The following SLC9A3 variants were observed in gnomAD, a reference collection of about 807,000 sequenced individuals.
SLC9A3 encodes sodium/hydrogen exchanger 3.
A neutral mutation model predicts 86.8 loss-of-function variants in SLC9A3; 37 were observed. The observed-to-expected ratio is 0.43, with a 90% confidence interval of 0.33 to 0.56. SLC9A3 has a LOEUF of 0.56. Ranked by LOEUF, SLC9A3 falls within the 20% of genes least tolerant of loss-of-function variation. The pLI, the probability that SLC9A3 is intolerant of heterozygous loss-of-function variation, is 0.06. For missense variants in SLC9A3, 1,011 were observed against 1,171.9 expected, an observed-to-expected ratio of 0.86 and a Z score of 2.00; for synonymous variants, 581 against 528.3, an observed-to-expected ratio of 1.10 and a Z score of -1.37.
intron 2 of SLC9A3, among the ~76,000 whole-genome samples, chr5:490,650 G>A (rs1399148525): frequency 6.6e-6 from 1 of 152,226 alleles, no homozygotes; most frequent in East Asian, 1.9e-4. Flanking sequence ...GGGGCCATCT[G>A]GCAAGGTAGG....
chr5:483,181 G>T, intron 6 of SLC9A3, 81 bp downstream of exon 6: 1 of 1,095,692 alleles, frequency 9.1e-7, no homozygotes. Context: ...ATCTCCCTGG[G>T]CCCAGTAGAA....
intron 3 of SLC9A3, among the ~76,000 whole-genome samples, chr5:487,683 T>C (rs1739534425): frequency 6.6e-6 from 1 of 152,242 alleles, no homozygotes; most frequent in Admixed American, 6.5e-5. Context: ...ATTTATTTTA[T>C]TTGAGATGGA....
At chr5:519,909 G>A (rs1023769979) in intron 1 of SLC9A3, among the ~76,000 whole-genome samples, 4 of 152,176 alleles carry the variant, frequency 2.6e-5, no homozygotes, top group Admixed American at 1.3e-4. Flanking sequence ...ACCCTCCTAC[G>A]GCTGCGCGAG....
chr5:479,810 C>T (rs771284559), intron 10 of SLC9A3, 26 bp downstream of exon 10: 1 of 1,611,406 alleles, frequency 6.2e-7, no homozygotes, highest in Non-Finnish European at 8.5e-7. Context: ...GCAGCCCCGA[C>T]CCGGCAGAGC....
chr5:486,517 C>T (rs1414362964), intron 3 of SLC9A3, among the ~76,000 whole-genome samples: 1 of 152,214 alleles, frequency 6.6e-6, no homozygotes, highest in African/African-American at 2.4e-5. Flanking sequence ...GAGGCACCGT[C>T]CCCGCCTCCC....
Position 476,083 on chromosome 5 carries a change from T to C in SLC9A3, c.2077A>G (p.Ser693Gly). Residue 693 changes from serine to glycine, a missense_variant, in exon 14 of 17, where the codon AGC (serine) becomes GGC (glycine). Physicochemically the swap from Ser to Gly is moderately conservative, Grantham distance 56. Coordinates refer to ENST00000264938, the MANE Select transcript of SLC9A3 (RefSeq NM_004174.4). ...ATGGGCAGCTTCCCATTGGGGATGC[T>C]GCTGTTTCTCTGCGGAGCAAACGTG... Reference protein sequence around the residue: ...RERAQKRRNSSIPNGKLPMES... With the variant: ...RERAQKRRNSGIPNGKLPMES... The C allele has an allele frequency of 6.2e-7, 1 of 1,613,486 alleles. No individual in the cohort carries two copies. Among genetic ancestry groups the C allele is most frequent in the Non-Finnish European group, 8.5e-7 (1 of 1,179,900 alleles).
rs28419449 is a variant in SLC9A3 at position 491,667 on chromosome 5, G to A, written c.514+102C>T. 1.6e-3 allele frequency: 1,807 copies of A among 1,101,818 alleles called. 15 individuals are homozygous for A. In the African/African-American group the frequency reaches 0.026, roughly 16 times the overall value. The allele number at this position is 1,101,818 out of a possible 1,614,324, so 68.3% of individuals were successfully genotyped here. A position where few individuals can be genotyped will look rare whatever the true frequency, so the allele number is the denominator to read the frequency against. On this transcript the variant is annotated intron_variant, in intron 2 of 16. Coordinates refer to ENST00000264938, the MANE Select transcript of SLC9A3 (RefSeq NM_004174.4). This position sits in a 1 kb window ranked among gnomAD's most constrained non-coding sequence, Gnocchi z 9.2. ...GTTTCTCACCTGACACTTACCGCCT[G>A]GAGGCCAGGGTGCGGCACCCCGACC... is the stretch of plus-strand genomic sequence containing the variant.
rs1738459090 is a variant in SLC9A3, at chr5:472,946, C to A, written c.*433G>T. On this transcript the variant is annotated 3_prime_UTR_variant, in exon 17 of 17. Transcript: ENST00000264938. The stretch of plus-strand genomic sequence containing the variant: ...CGAGCGGCCAGCCATGGCGCGCGGA[C>A]CCTTCCCGCCGGCGGCGTCACAGCG... 1.7e-5 allele frequency: 9 copies of A among 526,936 alleles called. No individual in the cohort carries two copies. In the South Asian group the frequency reaches 2.0e-4, roughly 12 times the overall value. The allele number at this position is 526,936 out of a possible 1,614,324, so 32.6% of individuals were successfully genotyped here.
intron 1 of SLC9A3, among the ~76,000 whole-genome samples, chr5:511,098 CTG>C (rs1740852223): frequency 6.6e-6 from 1 of 152,178 alleles, no homozygotes; most frequent in African/African-American, 2.4e-5. Flanking sequence ...ACCAGCAAAA[CTG>C]TGAGCCGCAA....
chr5:519,469 T>C (rs375766389), intron 1 of SLC9A3, among the ~76,000 whole-genome samples: 71 of 152,324 alleles, frequency 4.7e-4, no homozygotes, highest in African/African-American at 1.6e-3. Context: ...GACCCACAGC[T>C]GCCCTCACAG....
chr5:500,349 C>T (rs1740203577), intron 1 of SLC9A3, among the ~76,000 whole-genome samples: 1 of 152,238 alleles, frequency 6.6e-6, no homozygotes. Context: ...TAGGTGCACA[C>T]ACGGCATGCG....
chr5:524,264 C>A lies in SLC9A3; in HGVS notation c.59G>T (p.Gly20Val), dbSNP rs1733971293. 1.4e-6 allele frequency: 2 copies of A among 1,390,198 alleles called. No homozygotes were observed. Among genetic ancestry groups the A allele is most frequent in the Non-Finnish European group, 1.9e-6 (2 of 1,069,074 alleles). 86.1% of individuals were successfully genotyped at this position (1,390,198 alleles called of 1,614,324 possible). ...DRGLLLALAL[G>V]GLARAGGVEV... ...GACGCCCCCGGCCCGCGCCAGCCCG[C>A]CCAGCGCCAGCGCCAGCAGCAGCCC... Residue 20 changes from glycine to valine, a missense_variant, in exon 1 of 17, where the codon GGC becomes GTC. Physicochemically the swap from Gly to Val is moderately radical, Grantham distance 109 (BLOSUM62 -3). Around this residue, in one of 3 missense-constraint regions of SLC9A3, gnomAD observed 49 missense variants for 35.6 expected, o/e 1.38. Transcript: ENST00000264938.
chr5:507,223 C>A (rs183600909), intron 1 of SLC9A3, among the ~76,000 whole-genome samples: 1 of 87,904 alleles, frequency 1.1e-5, no homozygotes, highest in Non-Finnish European at 2.0e-5. Flanking sequence ...GGCTGGAGTG[C>A]GGTGGCGCGA....
At chr5:486,391 T>C (rs1168383789) in intron 3 of SLC9A3, among the ~76,000 whole-genome samples, 2 of 152,216 alleles carry the variant, frequency 1.3e-5, no homozygotes, top group Non-Finnish European at 2.9e-5. Context: ...CCCCATTTGA[T>C]GGGATTGGCT....
chr5:472,894 GT>G lies in SLC9A3; in HGVS notation c.*484del. ...GCAAATCCGTTTGGGGCGAGCCTCG[GT>G]TTCCCGGCAGCGGTGGGAAAGGGCG... is the stretch of plus-strand genomic sequence containing the variant. On this transcript the variant is annotated 3_prime_UTR_variant, in exon 17 of 17. Transcript: ENST00000264938. 1 of 512,974 alleles carries G rather than the reference GT, an allele frequency of 1.9e-6. No individual in the cohort carries two copies. The highest frequency in any genetic ancestry group is 1.8e-5 in the South Asian group (1 of 55,880). 31.8% of individuals were successfully genotyped at this position (512,974 alleles called of 1,614,324 possible). A position where few individuals can be genotyped will look rare whatever the true frequency, so the allele number is the denominator to read the frequency against.
At chr5:503,424 GCT>G (rs2126642034) in intron 1 of SLC9A3, among the ~76,000 whole-genome samples, 1 of 152,308 alleles carries the variant, frequency 6.6e-6, no homozygotes, top group East Asian at 1.9e-4. Flanking sequence ...CATAGTCCCA[GCT>G]ACTCAGGGGG....
At chr5:519,055 C>T (rs757487982) in intron 1 of SLC9A3, among the ~76,000 whole-genome samples, 9 of 152,204 alleles carry the variant, frequency 5.9e-5, no homozygotes, top group South Asian at 2.1e-4. Flanking sequence ...GCTGATTCTC[C>T]GTGGGCAGCT....
chr5:473,365 T>C lies in SLC9A3; in HGVS notation c.*14A>G. 2 of 1,419,358 alleles carry C rather than the reference T, an allele frequency of 1.4e-6. No homozygotes were observed. Among genetic ancestry groups the C allele is most frequent in the Non-Finnish European group, 1.9e-6 (2 of 1,079,876 alleles). The allele number at this position is 1,419,358 out of a possible 1,614,324, so 87.9% of individuals were successfully genotyped here. A position where few individuals can be genotyped will look rare whatever the true frequency, so the allele number is the denominator to read the frequency against. On this transcript the variant is annotated 3_prime_UTR_variant, in exon 17 of 17. Coordinates refer to ENST00000264938, the MANE Select transcript of SLC9A3 (RefSeq NM_004174.4). ...GGGGACGAGCGGCCGGTTAGCGGCG[T>C]GTCGGAGCCGGTGTCACCTGCGGGA...
chr5:522,137 A>C (rs1413632911), intron 1 of SLC9A3, among the ~76,000 whole-genome samples: 1 of 152,158 alleles, frequency 6.6e-6, no homozygotes, highest in Non-Finnish European at 1.5e-5. Flanking sequence ...GGTGGAGCCA[A>C]CAATCCGAGA....
Sources: allele counts gnomAD v4.1 joint callset (sites outside exome capture counted in the v4.1 genomes callset), GRCh38; gene constraint gnomAD v4.1.1; regional missense constraint gnomAD v4.1.1; non-coding constraint Gnocchi (gnomAD v3.1); transcripts MANE v1.5; gene names NCBI Gene and HGNC (gene_info 2026-07-23, HGNC 2026-07-21).